The following CCDC178 variants were observed in gnomAD, a reference collection of about 807,000 sequenced individuals.
CCDC178 encodes coiled-coil domain containing 178, also known as coiled-coil domain-containing protein 178.
In CCDC178, 126 loss-of-function variants were observed where a neutral mutation model predicts 117.4. The observed-to-expected ratio is 1.07, with a 90% CI of 0.93 to 1.24. CCDC178 has a LOEUF of 1.24. Among genes scored for constraint, CCDC178 ranks in the 50% most tolerant of loss-of-function variants. The pLI is 0.00. For missense variants in CCDC178, 1,030 were observed against 986.9 expected (o/e 1.04, Z -0.59); for synonymous variants, 283 against 313.4 (o/e 0.90, Z 1.02).
intron 20 of CCDC178, among the ~76,000 whole-genome samples, chr18:33,200,343 A>G (rs1424625679): frequency 6.6e-6 from 1 of 152,248 alleles, no homozygotes; most frequent in African/African-American, 2.4e-5. Context: ...CAGTCTACCA[A>G]TAGCCTGTTA....
intron 21 of CCDC178, among the ~76,000 whole-genome samples, chr18:33,049,298 TACC>T (rs2056701617): frequency 4.6e-5 from 7 of 152,202 alleles, no homozygotes; most frequent in Admixed American, 3.3e-4. Context: ...AAATCAGCAA[TACC>T]CTATAACTCA....
chr18:33,370,515 G>A (rs1225305840), intron 5 of CCDC178, among the ~76,000 whole-genome samples: 2 of 151,794 alleles, frequency 1.3e-5, no homozygotes, highest in Admixed American at 6.6e-5. Flanking sequence ...AAAAACAGTT[G>A]ACCCATGTGT....
chr18:33,419,692 CATCATTA>C (rs2063997781), intron 2 of CCDC178, among the ~76,000 whole-genome samples: 2 of 152,162 alleles, frequency 1.3e-5, no homozygotes. Context: ...AAATGCTCAA[CATCATTA>C]ATCACTAGAG....
intron 12 of CCDC178, among the ~76,000 whole-genome samples, chr18:33,286,564 A>G (rs938588952): frequency 6.6e-6 from 1 of 152,192 alleles, no homozygotes; most frequent in African/African-American, 2.4e-5. Context: ...GCATATTTGA[A>G]TGGGTATTTT....
intron 11 of CCDC178, among the ~76,000 whole-genome samples, chr18:33,318,092 T>A (rs2062445436): frequency 6.6e-6 from 1 of 152,190 alleles, no homozygotes; most frequent in South Asian, 2.1e-4. Flanking sequence ...TCCCTCCCCT[T>A]GCTTTTAATG....
At chr18:33,000,062 G>T (rs1955658386) in intron 21 of CCDC178, among the ~76,000 whole-genome samples, 2 of 152,044 alleles carry the variant, frequency 1.3e-5, no homozygotes, top group South Asian at 4.2e-4. Flanking sequence ...ATTCAAAATA[G>T]CTGTTTTGAT....
intron 12 of CCDC178, among the ~76,000 whole-genome samples, chr18:33,273,800 T>C (rs746857862): frequency 2.0e-5 from 3 of 151,738 alleles, no homozygotes; most frequent in Non-Finnish European, 4.4e-5. Flanking sequence ...TTTGAGACTT[T>C]GGATTAAGCA....
chr18:33,106,253 A>G (rs1420412729), intron 20 of CCDC178, among the ~76,000 whole-genome samples: 1 of 151,506 alleles, frequency 6.6e-6, no homozygotes, highest in African/African-American at 2.4e-5. Context: ...TGTCAAACCT[A>G]TTTTCCTTCC....
intron 20 of CCDC178, among the ~76,000 whole-genome samples, chr18:33,210,259 G>A (rs1599004272): frequency 6.6e-6 from 1 of 151,936 alleles, no homozygotes; most frequent in East Asian, 1.9e-4. Context: ...CAAAAGACAG[G>A]TATAAATGAA....
At chr18:33,208,188 A>T (rs911233842) in intron 20 of CCDC178, among the ~76,000 whole-genome samples, 4 of 152,140 alleles carry the variant, frequency 2.6e-5, no homozygotes, top group African/African-American at 9.7e-5. Context: ...AATATTAATT[A>T]TGTAAAACAT....
intron 21 of CCDC178, among the ~76,000 whole-genome samples, chr18:32,991,463 A>G (rs2055392111): frequency 1.3e-5 from 2 of 152,374 alleles, no homozygotes; most frequent in South Asian, 4.1e-4. Flanking sequence ...AAGATAAAAA[A>G]GTCTGTGGAG....
intron 11 of CCDC178, among the ~76,000 whole-genome samples, chr18:33,322,088 AT>A (rs2062518860): frequency 6.6e-6 from 1 of 152,000 alleles, no homozygotes; most frequent in Non-Finnish European, 1.5e-5. Flanking sequence ...ACAACTTCAA[AT>A]TTGCATGCAC....
intron 20 of CCDC178, among the ~76,000 whole-genome samples, chr18:33,140,473 C>A (rs2058188389): frequency 1.3e-5 from 2 of 152,170 alleles, no homozygotes; most frequent in Non-Finnish European, 2.9e-5. Context: ...CCTCTTGCAT[C>A]AGTGTGACCC....
At chr18:33,400,788 A>T (rs1225318808) in intron 3 of CCDC178, among the ~76,000 whole-genome samples, 1 of 152,198 alleles carries the variant, frequency 6.6e-6, no homozygotes, top group African/African-American at 2.4e-5. Flanking sequence ...ATTCCCTTCA[A>T]GAACTTTTCC....
intron 20 of CCDC178, among the ~76,000 whole-genome samples, chr18:33,162,741 T>C (rs2058481798): frequency 6.6e-6 from 1 of 152,206 alleles, no homozygotes; most frequent in Non-Finnish European, 1.5e-5. Flanking sequence ...GCTCTGTCCA[T>C]GTTCCCGCAA....
chr18:33,427,305 TA>T (rs1555703345), intron 2 of CCDC178, among the ~76,000 whole-genome samples: 1 of 152,108 alleles, frequency 6.6e-6, no homozygotes, highest in Non-Finnish European at 1.5e-5. Context: ...AGTAACTTAA[TA>T]GGAGACAAGA....
At chr18:33,020,285 A>T (rs756077730) in intron 21 of CCDC178, among the ~76,000 whole-genome samples, 2 of 151,848 alleles carry the variant, frequency 1.3e-5, no homozygotes, top group Non-Finnish European at 2.9e-5. Flanking sequence ...CAACTCTATC[A>T]TTCTCCCTGA....
At chr18:33,243,888 T>G (rs1008499305) in intron 15 of CCDC178, among the ~76,000 whole-genome samples, 1 of 151,906 alleles carries the variant, frequency 6.6e-6, no homozygotes, top group Non-Finnish European at 1.5e-5. Flanking sequence ...AAAAATTAAC[T>G]GACCAAAATA....
intron 21 of CCDC178, among the ~76,000 whole-genome samples, chr18:32,986,430 A>G (rs996648367): frequency 6.6e-6 from 1 of 152,122 alleles, no homozygotes; most frequent in African/African-American, 2.4e-5. Context: ...CTGGGACACA[A>G]GTTTTATAGA....
Sources: gnomAD v4.1 joint callset for allele counts (sites outside exome capture counted in the v4.1 genomes callset) on GRCh38, gnomAD v4.1.1 for gene constraint, MANE v1.5 for transcripts, NCBI Gene and HGNC (gene_info 2026-07-23, HGNC 2026-07-21) for gene names.